The following FNDC3B variants were observed in gnomAD, a reference collection of about 807,000 sequenced individuals.
FNDC3B encodes the protein fibronectin type III domain containing 3B.
A neutral mutation model predicts 151.5 loss-of-function variants in FNDC3B; 12 were observed. That is an observed-to-expected ratio of 0.08 (90% CI 0.05 to 0.13). The LOEUF is 0.13. Ranked by LOEUF, FNDC3B falls within the 10% of genes least tolerant of loss-of-function variation. The pLI, the probability that FNDC3B is intolerant of heterozygous loss-of-function variation, is 1.00. For missense variants in FNDC3B, 1,214 were observed against 1,505.3 expected, an observed-to-expected ratio of 0.81 and a Z score of 3.20; for synonymous variants, 528 against 549.0, an observed-to-expected ratio of 0.96 and a Z score of 0.54.
At chr3:172,183,080 T>A (rs898942759) in intron 3 of FNDC3B, among the ~76,000 whole-genome samples, 1 of 152,230 alleles carries the variant, frequency 6.6e-6, no homozygotes, top group African/African-American at 2.4e-5. Context: ...CCCTGGGCAG[T>A]TGCTCTTTAG....
chr3:172,200,735 G>A (rs1373868627), intron 3 of FNDC3B, among the ~76,000 whole-genome samples: 1 of 152,144 alleles, frequency 6.6e-6, no homozygotes, highest in Non-Finnish European at 1.5e-5. Flanking sequence ...AAGTGGAGGA[G>A]CATCTGTAAT....
chr3:172,302,920 C>T (rs376731211), intron 9 of FNDC3B: 1 of 94,116 alleles, frequency 1.1e-5, no homozygotes, highest in East Asian at 2.9e-4. Flanking sequence ...TTGTGTGTGC[C>T]TGAGAGAGAG....
intron 2 of FNDC3B, among the ~76,000 whole-genome samples, chr3:172,119,041 G>T (rs1382978507): frequency 1.3e-5 from 2 of 151,672 alleles, no homozygotes; most frequent in Non-Finnish European, 2.9e-5. Flanking sequence ...GTGGTGGTGG[G>T]CGCCTGTAGT....
intron 3 of FNDC3B, among the ~76,000 whole-genome samples, chr3:172,137,363 C>T (rs1721424151): frequency 6.6e-6 from 1 of 152,146 alleles, no homozygotes; most frequent in South Asian, 2.1e-4. Context: ...CAAATTAATA[C>T]AGAAGAATAT....
intron 3 of FNDC3B, among the ~76,000 whole-genome samples, chr3:172,172,435 CAAAGT>C (rs1287104419): frequency 6.6e-6 from 1 of 152,130 alleles, no homozygotes; most frequent in Non-Finnish European, 1.5e-5. Flanking sequence ...TTTAGTGTGA[CAAAGT>C]AAAGAGTGTC....
intron 3 of FNDC3B, among the ~76,000 whole-genome samples, chr3:172,142,643 C>T (rs1721683148): frequency 6.6e-6 from 1 of 152,234 alleles, no homozygotes; most frequent in South Asian, 2.1e-4. Context: ...TTAAGGAAGA[C>T]TGGATTAAGT....
chr3:172,386,998 C>T (rs879660213), intron 25 of FNDC3B, among the ~76,000 whole-genome samples: 1 of 152,024 alleles, frequency 6.6e-6, no homozygotes, highest in Non-Finnish European at 1.5e-5. Flanking sequence ...GCTCTGTCGC[C>T]CAGGCTGGAG....
intron 1 of FNDC3B, among the ~76,000 whole-genome samples, chr3:172,084,883 G>T (rs1020403772): frequency 6.6e-6 from 1 of 151,966 alleles, no homozygotes; most frequent in Non-Finnish European, 1.5e-5. Context: ...TATGTTCATT[G>T]TTTCTTTCCC....
At chr3:172,045,786 CTCTCTCTCTA>C (rs1411876329) in intron 1 of FNDC3B, among the ~76,000 whole-genome samples, 9 of 139,272 alleles carry the variant, frequency 6.5e-5, no homozygotes, top group Admixed American at 6.3e-4. Flanking sequence ...CTCTCTCTCT[CTCTCTCTCTA>C]TATATATATA....
chr3:172,378,244 C>A, intron 23 of FNDC3B, 26 bp from the exon 24 acceptor site: 1 of 1,549,582 alleles, frequency 6.5e-7, no homozygotes, highest in Admixed American at 2.1e-5. Context: ...GTTCAGATGG[C>A]TAATTGATTC....
chr3:172,184,987 T>C (rs572136795), intron 3 of FNDC3B, among the ~76,000 whole-genome samples: 98 of 152,210 alleles, frequency 6.4e-4, no homozygotes, highest in Non-Finnish European at 1.2e-3. Flanking sequence ...GAAGGAATAT[T>C]CTGACCACTT....
chr3:172,363,452 G>C (rs1037886014), intron 23 of FNDC3B, among the ~76,000 whole-genome samples: 1 of 152,138 alleles, frequency 6.6e-6, no homozygotes, highest in Non-Finnish European at 1.5e-5. Context: ...GAAAATGTCC[G>C]ATCAGAAGAC....
intron 1 of FNDC3B, among the ~76,000 whole-genome samples, chr3:172,053,940 T>C (rs1178888571): frequency 1.3e-5 from 2 of 152,046 alleles, no homozygotes; most frequent in East Asian, 1.9e-4. Context: ...AGAAGCACAA[T>C]GGAGTGAATG....
At chr3:172,336,943 T>TA (rs1253700953) in intron 15 of FNDC3B, among the ~76,000 whole-genome samples, 1 of 149,574 alleles carries the variant, frequency 6.7e-6, no homozygotes, top group Non-Finnish European at 1.5e-5. Context: ...TAGTCACTGA[T>TA]AAAATAAGTG....
chr3:172,384,348 G>C (rs765608734), intron 25 of FNDC3B, among the ~76,000 whole-genome samples: 1 of 151,992 alleles, frequency 6.6e-6, no homozygotes, highest in African/African-American at 2.4e-5. Context: ...CATTTTATAC[G>C]ATATATTCCA....
intron 3 of FNDC3B, among the ~76,000 whole-genome samples, chr3:172,149,144 G>C (rs1722081849): frequency 3.3e-5 from 5 of 152,162 alleles, no homozygotes. Flanking sequence ...TCCCTTCACT[G>C]ATACAAATCT....
chr3:172,340,911 A>G (rs979244558), intron 16 of FNDC3B, among the ~76,000 whole-genome samples: 2 of 152,268 alleles, frequency 1.3e-5, no homozygotes, highest in Non-Finnish European at 2.9e-5. Flanking sequence ...TAGTCTAGCC[A>G]GCAACACTAA....
Position 172,234,606 on chromosome 3 carries a change from T to C in FNDC3B, c.264+7659T>C, listed in dbSNP as rs1304521851. On this transcript the variant is annotated intron_variant, in intron 4 of 25. Transcript: ENST00000415807. The stretch of plus-strand genomic sequence containing the variant: ...GCAGTGTGGCACACTTATTGACATT[T>C]AGCATTTTATTGACTAGAATGCTAG... Among the ~76,000 whole-genome samples, 8 of 152,348 alleles carry C rather than the reference T, an allele frequency of 5.3e-5. No individual in the cohort carries two copies. In the East Asian group the frequency reaches 1.3e-3, roughly 26 times the overall value.
chr3:172,169,131 C>T (rs1253177663), intron 3 of FNDC3B, among the ~76,000 whole-genome samples: 1 of 152,044 alleles, frequency 6.6e-6, no homozygotes, highest in Non-Finnish European at 1.5e-5. Context: ...CAGAGTGCAT[C>T]ACTGATGTTT....
Sources: gnomAD v4.1 joint callset for allele counts (sites outside exome capture counted in the v4.1 genomes callset) on GRCh38, gnomAD v4.1.1 for gene constraint, MANE v1.5 for transcripts, NCBI Gene and HGNC (gene_info 2026-07-23, HGNC 2026-07-21) for gene names.